EBF2: variants seen among roughly 807,000 people sequenced by gnomAD.
EBF2 encodes transcription factor COE2.
In EBF2, 21 loss-of-function variants were observed where a neutral mutation model predicts 72.8. The ratio of observed to expected loss-of-function variants is 0.29; its 90% confidence interval spans 0.20 to 0.42. The LOEUF (loss-of-function observed/expected upper bound fraction) is 0.42, where lower values mean the gene tolerates loss of function less well. Among genes scored for constraint, EBF2 ranks in the 10% least tolerant of loss-of-function variants. The pLI is 1.00. For missense variants in EBF2, 637 were observed against 731.2 expected, an observed-to-expected ratio of 0.87 and a Z score of 1.49; for synonymous variants, 299 against 274.2, an observed-to-expected ratio of 1.09 and a Z score of -0.89.
At chr8:25,891,229 A>G (rs563998418) in intron 7 of EBF2, among the ~76,000 whole-genome samples, 8 of 152,290 alleles carry the variant, frequency 5.3e-5, no homozygotes, top group African/African-American at 1.7e-4. Flanking sequence ...AAGCTCAAAG[A>G]GGTGGATATC....
At chr8:26,004,402 C>T (rs1804792310) in intron 6 of EBF2, among the ~76,000 whole-genome samples, 2 of 152,072 alleles carry the variant, frequency 1.3e-5, no homozygotes, top group African/African-American at 2.4e-5. Context: ...AAGTCTGGCA[C>T]AGTGGCTCAC....
chr8:25,843,348 G>A lies in EBF2; in HGVS notation c.*1261C>T, dbSNP rs1563370298. ...CCATAAAAGGGGAAATTGACAGGGA[G>A]AGGAAAGGACTTGGATGTTCTAAGA... On this transcript the variant is annotated 3_prime_UTR_variant, in exon 16 of 16. Coordinates refer to ENST00000520164, the MANE Select transcript of EBF2 (RefSeq NM_022659.4). 6.6e-6 allele frequency: 1 copy of A among 152,234 alleles called. No individual in the cohort carries two copies. Among genetic ancestry groups the A allele is most frequent in the African/African-American group, 2.4e-5 (1 of 41,466 alleles). The allele number at this position is 152,234 out of a possible 1,614,324, so 9.4% of individuals were successfully genotyped here.
At chr8:25,874,522 T>C (rs1170156750) in intron 10 of EBF2, among the ~76,000 whole-genome samples, 1 of 152,142 alleles carries the variant, frequency 6.6e-6, no homozygotes, top group Non-Finnish European at 1.5e-5. Context: ...GCAGGTTGTC[T>C]ATGTAGACCT....
intron 6 of EBF2, among the ~76,000 whole-genome samples, chr8:25,951,410 T>C (rs1030684947): frequency 1.3e-5 from 2 of 152,138 alleles, no homozygotes; most frequent in Admixed American, 6.5e-5. Context: ...TGCTCCAGAA[T>C]GCTAGTTGGC....
At chr8:25,930,217 A>C (rs933861963) in intron 6 of EBF2, among the ~76,000 whole-genome samples, 5 of 152,100 alleles carry the variant, frequency 3.3e-5, no homozygotes, top group Non-Finnish European at 7.4e-5. Flanking sequence ...GGACTTAGCT[A>C]TCTCCTTCGC....
At chr8:26,016,498 T>C (rs1805113696) in intron 6 of EBF2, among the ~76,000 whole-genome samples, 1 of 152,186 alleles carries the variant, frequency 6.6e-6, no homozygotes, top group South Asian at 2.1e-4. Flanking sequence ...AATGGTTACA[T>C]TAGACAATAC....
At chr8:25,963,282 T>A (rs1012252433) in intron 6 of EBF2, among the ~76,000 whole-genome samples, 1 of 152,218 alleles carries the variant, frequency 6.6e-6, no homozygotes, top group African/African-American at 2.4e-5. Context: ...CCTCTGCATC[T>A]CATTTTTCTC....
At chr8:25,992,433 G>T (rs1304601726) in intron 6 of EBF2, among the ~76,000 whole-genome samples, 2 of 151,718 alleles carry the variant, frequency 1.3e-5, no homozygotes, top group African/African-American at 4.8e-5. Flanking sequence ...CCAGCTCAGT[G>T]GAGCTGAACT....
At chr8:25,940,253 A>G (rs1382407417) in intron 6 of EBF2, among the ~76,000 whole-genome samples, 2 of 152,214 alleles carry the variant, frequency 1.3e-5, no homozygotes, top group East Asian at 3.8e-4. Context: ...TTTACACAAC[A>G]GTTTTTCATA....
intron 6 of EBF2, among the ~76,000 whole-genome samples, chr8:26,026,628 C>A (rs1344285324): frequency 1.3e-5 from 2 of 152,190 alleles, no homozygotes; most frequent in Non-Finnish European, 2.9e-5. Context: ...GTGACTCACA[C>A]AATCTCAAGT....
chr8:25,895,801 T>C (rs1200173690), intron 7 of EBF2, among the ~76,000 whole-genome samples: 1 of 152,216 alleles, frequency 6.6e-6, no homozygotes, highest in Non-Finnish European at 1.5e-5. Flanking sequence ...GTTATTTCTT[T>C]AGTTATCAGA....
intron 6 of EBF2, among the ~76,000 whole-genome samples, chr8:26,000,579 T>C (rs1057268126): frequency 6.6e-6 from 1 of 152,170 alleles, no homozygotes; most frequent in African/African-American, 2.4e-5. Flanking sequence ...CCCTAATAAA[T>C]GGAATTGTTA....
intron 9 of EBF2, among the ~76,000 whole-genome samples, chr8:25,887,569 T>G (rs1802712111): frequency 6.6e-6 from 1 of 152,190 alleles, no homozygotes; most frequent in African/African-American, 2.4e-5. Context: ...TGCTTAGTAT[T>G]ACAGTGTGAG....
chr8:25,860,099 T>C (rs1481729834), intron 13 of EBF2, among the ~76,000 whole-genome samples: 1 of 152,018 alleles, frequency 6.6e-6, no homozygotes, highest in Non-Finnish European at 1.5e-5. Context: ...GAAAAAACTA[T>C]CCCATTGTTA....
At chr8:25,906,673 A>T (rs765487449) in intron 7 of EBF2, among the ~76,000 whole-genome samples, 1 of 152,118 alleles carries the variant, frequency 6.6e-6, no homozygotes, top group Admixed American at 6.5e-5. Flanking sequence ...AGGGTGAGGC[A>T]GGAGAATTGC....
intron 10 of EBF2, among the ~76,000 whole-genome samples, chr8:25,882,690 G>A (rs1205323417): frequency 6.6e-6 from 1 of 152,198 alleles, no homozygotes; most frequent in African/African-American, 2.4e-5. Flanking sequence ...GGAAAAGGAG[G>A]TTAAGTCACT....
chr8:25,983,911 C>A (rs17817429), intron 6 of EBF2, among the ~76,000 whole-genome samples: 1,624 of 152,288 alleles, frequency 0.011, 18 homozygotes, highest in Non-Finnish European at 0.017. Context: ...TAAAAGATAC[C>A]CCAAAATAAC....
intron 4 of EBF2, 56 bp downstream of exon 4, chr8:26,040,560 G>A (rs1335521599): frequency 1.4e-5 from 21 of 1,523,110 alleles, no homozygotes; most frequent in Non-Finnish European, 1.7e-5. Context: ...AAACTGGGGG[G>A]TTTGGGGGTC....
chr8:25,852,160 C>T (rs983838155), intron 14 of EBF2, among the ~76,000 whole-genome samples: 12 of 152,138 alleles, frequency 7.9e-5, no homozygotes, highest in Non-Finnish European at 1.5e-4. Flanking sequence ...CTGGAAGAAT[C>T]TCATGTAATA....
Sources: allele counts gnomAD v4.1 joint callset (sites outside exome capture counted in the v4.1 genomes callset), GRCh38; gene constraint gnomAD v4.1.1; transcripts MANE v1.5; gene names NCBI Gene and HGNC (gene_info 2026-07-23, HGNC 2026-07-21).